Variants in SGPP2 observed in about 807,000 individuals in gnomAD.
SGPP2 encodes sphingosine-1-phosphate phosphatase 2, also known as sphingosine 1-phosphate phosphohydrolase 2.
A neutral mutation model predicts 33.9 loss-of-function variants in SGPP2; 30 were observed. The ratio of observed to expected loss-of-function variants is 0.89; its 90% CI spans 0.66 to 1.20. SGPP2 has a LOEUF of 1.20. SGPP2 is among the 50% of genes most tolerant of loss of function. SGPP2 has a pLI of 0.00. For synonymous variants in SGPP2, 233 were observed against 225.0 expected (o/e 1.04, Z -0.32); for missense variants, 458 against 532.1 (o/e 0.86, Z 1.37).
intron 1 of SGPP2, among the ~76,000 whole-genome samples, chr2:222,462,926 A>G (rs1697686250): frequency 6.6e-6 from 1 of 152,162 alleles, no homozygotes; most frequent in African/African-American, 2.4e-5. Context: ...CCCACCCAGC[A>G]TGGTTTTCTT....
intron 1 of SGPP2, among the ~76,000 whole-genome samples, chr2:222,431,338 C>T (rs1697152174): frequency 6.6e-6 from 1 of 152,024 alleles, no homozygotes; most frequent in African/African-American, 2.4e-5. Flanking sequence ...AACCCTGTCT[C>T]TACCAAAAAA....
intron 2 of SGPP2, among the ~76,000 whole-genome samples, chr2:222,509,687 G>A (rs760243075): frequency 6.6e-6 from 1 of 152,122 alleles, no homozygotes; most frequent in Non-Finnish European, 1.5e-5. Flanking sequence ...TGGAACAAGA[G>A]ACTTCAAGAA....
chr2:222,529,421 G>A (rs866647899), intron 4 of SGPP2, among the ~76,000 whole-genome samples: 1 of 151,982 alleles, frequency 6.6e-6, no homozygotes. Context: ...TGCAACCTCC[G>A]TCTCCCGGGT....
chr2:222,425,272 GCGCTCC>G (rs958544924), intron 1 of SGPP2, among the ~76,000 whole-genome samples: 1 of 151,266 alleles, frequency 6.6e-6, no homozygotes, highest in Non-Finnish European at 1.5e-5. Context: ...CGGGCTCAGC[GCGCTCC>G]TCACCGCGCT....
chr2:222,477,156 T>A lies in SGPP2; in HGVS notation c.378+2430T>A, dbSNP rs1470383363. 6.6e-6 allele frequency among the ~76,000 whole-genome samples: 1 copy of A among 151,650 alleles called. No individual in the cohort carries two copies. The highest frequency in any genetic ancestry group is 2.4e-5 in the African/African-American group (1 of 41,226). On this transcript the variant is annotated intron_variant, in intron 2 of 4. Coordinates refer to ENST00000321276, the MANE Select transcript of SGPP2 (RefSeq NM_152386.4). This position sits in a 1 kb window ranked among gnomAD's most constrained non-coding sequence, Gnocchi z 6.0. ...GTATATAGGTGTGTATATATCTGTG[T>A]GTGTGTATAGGTGTGTGTATATGTG... is the stretch of plus-strand genomic sequence containing the variant.
intron 2 of SGPP2, among the ~76,000 whole-genome samples, chr2:222,489,086 G>A (rs1360735494): frequency 6.6e-6 from 1 of 152,166 alleles, no homozygotes; most frequent in Non-Finnish European, 1.5e-5. Context: ...GGCTAAATGA[G>A]TAAGAGAGTT....
chr2:222,453,990 A>C (rs1027710631), intron 1 of SGPP2, among the ~76,000 whole-genome samples: 1 of 152,256 alleles, frequency 6.6e-6, no homozygotes, highest in Non-Finnish European at 1.5e-5. Context: ...TAACAATAGT[A>C]CTGACCTGCC....
chr2:222,426,423 C>T (rs2106051891), intron 1 of SGPP2, among the ~76,000 whole-genome samples: 1 of 152,306 alleles, frequency 6.6e-6, no homozygotes, highest in South Asian at 2.1e-4. Context: ...TCCACCAGTG[C>T]TTCTCAAACT....
At chr2:222,482,404 T>C (rs1416590411) in intron 2 of SGPP2, among the ~76,000 whole-genome samples, 2 of 152,184 alleles carry the variant, frequency 1.3e-5, no homozygotes, top group Non-Finnish European at 2.9e-5. Flanking sequence ...GATTAATTGA[T>C]TGATTGATTG....
intron 1 of SGPP2, among the ~76,000 whole-genome samples, chr2:222,443,700 TTG>T (rs1697358752): frequency 6.6e-6 from 1 of 152,178 alleles, no homozygotes; most frequent in Non-Finnish European, 1.5e-5. Context: ...TTGACTTAGG[TTG>T]TGTGCTACAG....
At chr2:222,544,627 GA>G (rs1196132470) in intron 4 of SGPP2, among the ~76,000 whole-genome samples, 1 of 152,104 alleles carries the variant, frequency 6.6e-6, no homozygotes, top group Non-Finnish European at 1.5e-5. Context: ...ATCATGACAA[GA>G]AAAAAAGTCT....
intron 1 of SGPP2, among the ~76,000 whole-genome samples, chr2:222,433,541 A>T (rs1380348814): frequency 1.3e-5 from 2 of 152,142 alleles, no homozygotes; most frequent in African/African-American, 2.4e-5. Flanking sequence ...CCAGGTACTT[A>T]ATCCTACCTG....
At chr2:222,505,498 AACTC>A (rs1217530676) in intron 2 of SGPP2, among the ~76,000 whole-genome samples, 2 of 152,222 alleles carry the variant, frequency 1.3e-5, no homozygotes, top group African/African-American at 4.8e-5. Flanking sequence ...AATTTGGAAA[AACTC>A]ACAGATGAAA....
chr2:222,505,106 A>G (rs748903667), intron 2 of SGPP2, among the ~76,000 whole-genome samples: 1 of 152,228 alleles, frequency 6.6e-6, no homozygotes, highest in South Asian at 2.1e-4. Context: ...TTCAGATTCC[A>G]GAGAGCAAAA....
chr2:222,546,526 T>A (rs57879304), intron 4 of SGPP2, among the ~76,000 whole-genome samples: 11,681 of 152,224 alleles, frequency 0.077, 1,006 homozygotes, highest in African/African-American at 0.21. Flanking sequence ...CAGTAATCTC[T>A]AGTTCCTAGT....
At chr2:222,498,789 A>C (rs1208398005) in intron 2 of SGPP2, among the ~76,000 whole-genome samples, 1 of 152,170 alleles carries the variant, frequency 6.6e-6, no homozygotes, top group East Asian at 1.9e-4. Flanking sequence ...TGCCGTGTTA[A>C]GTGAGGTGGT....
rs146973494 is a variant in SGPP2, at chr2:222,558,430, G to C, written c.732G>C (p.Ser244=). The C allele has an allele frequency of 6.2e-6, 10 of 1,613,924 alleles. No individual in the cohort carries two copies. In the African/African-American group the frequency reaches 8.0e-5, roughly 13 times the overall value. The change falls in exon 5 of 5, where the codon TCG becomes TCC. Residue 244 remains serine, a synonymous_variant. Coordinates refer to ENST00000321276, the MANE Select transcript of SGPP2 (RefSeq NM_152386.4). ...PAWTFIDCLD[S]ASPLFPVCVI... is the part of the protein sequence containing the mutation. ...GGACCTTCATCGACTGCCTGGACTC[G>C]GCCAGCCCCCTCTTCCCCGTGTGTG... is the stretch of plus-strand genomic sequence containing the variant.
intron 1 of SGPP2, among the ~76,000 whole-genome samples, chr2:222,448,186 A>C (rs1009743616): frequency 6.6e-6 from 1 of 152,096 alleles, no homozygotes; most frequent in Non-Finnish European, 1.5e-5. Context: ...CTCTCATGGG[A>C]CTCGGTGAGA....
At chr2:222,429,559 C>T (rs995393054) in intron 1 of SGPP2, among the ~76,000 whole-genome samples, 8 of 152,286 alleles carry the variant, frequency 5.3e-5, no homozygotes, top group Middle Eastern at 3.4e-3. Flanking sequence ...GTTATATCAC[C>T]GCCCATTGCT....
Sources: allele counts gnomAD v4.1 joint callset (sites outside exome capture counted in the v4.1 genomes callset), GRCh38; gene constraint gnomAD v4.1.1; non-coding constraint Gnocchi (gnomAD v3.1); transcripts MANE v1.5; gene names NCBI Gene and HGNC (gene_info 2026-07-23, HGNC 2026-07-21).